MACROD2: variants seen among roughly 807,000 people sequenced by gnomAD.
MACROD2 encodes the protein ADP-ribose glycohydrolase MACROD2.
Under a neutral mutation model 70.4 loss-of-function variants are expected in MACROD2, and 36 were observed. The observed-to-expected ratio is 0.51, with a 90% CI of 0.39 to 0.68. The LOEUF (loss-of-function observed/expected upper bound fraction) is 0.68, where lower values mean the gene tolerates loss of function less well. Among genes scored for constraint, MACROD2 ranks in the 30% least tolerant of loss-of-function variants. The pLI is 0.00. For missense variants in MACROD2, 496 were observed against 538.4 expected, an observed-to-expected ratio of 0.92 and a Z score of 0.78; for synonymous variants, 172 against 178.8, an observed-to-expected ratio of 0.96 and a Z score of 0.30.
intron 15 of MACROD2, among the ~76,000 whole-genome samples, chr20:15,992,578 GC>G (rs1392895141): frequency 6.6e-6 from 1 of 152,192 alleles, no homozygotes; most frequent in Non-Finnish European, 1.5e-5. Flanking sequence ...ATTAACTTGT[GC>G]TTGCCCATCT....
chr20:15,688,921 A>G (rs1271080665), intron 8 of MACROD2, among the ~76,000 whole-genome samples: 5 of 152,234 alleles, frequency 3.3e-5, no homozygotes. Flanking sequence ...GACATTTATC[A>G]TATGATGTGT....
At chr20:14,648,632 A>G (rs1051448932) in intron 4 of MACROD2, among the ~76,000 whole-genome samples, 3 of 151,754 alleles carry the variant, frequency 2.0e-5, no homozygotes, top group Non-Finnish European at 4.4e-5. Flanking sequence ...ATATATATAT[A>G]TATATCTATC....
intron 5 of MACROD2, among the ~76,000 whole-genome samples, chr20:14,957,269 GT>G (rs2074545360): frequency 6.6e-6 from 1 of 151,642 alleles, no homozygotes; most frequent in Non-Finnish European, 1.5e-5. Context: ...TTTTTTTGTA[GT>G]TTTAGAAACA....
chr20:15,263,572 A>G (rs559622879), intron 6 of MACROD2, among the ~76,000 whole-genome samples: 15 of 152,092 alleles, frequency 9.9e-5, no homozygotes, highest in Non-Finnish European at 1.8e-4. Flanking sequence ...GAAAAACGTC[A>G]TTGGCATTTT....
chr20:15,708,698 C>T (rs2050575778), intron 8 of MACROD2, among the ~76,000 whole-genome samples: 1 of 140,680 alleles, frequency 7.1e-6, no homozygotes, highest in African/African-American at 2.5e-5. Context: ...AATATCAAAA[C>T]CCCATCTCTA....
At chr20:15,100,465 A>G (rs936050180) in intron 5 of MACROD2, among the ~76,000 whole-genome samples, 1 of 152,194 alleles carries the variant, frequency 6.6e-6, no homozygotes, top group Admixed American at 6.5e-5. Flanking sequence ...ATTATACAAG[A>G]AACTGGACTC....
intron 5 of MACROD2, among the ~76,000 whole-genome samples, chr20:15,032,483 A>G (rs2075283450): frequency 6.6e-6 from 1 of 152,080 alleles, no homozygotes; most frequent in Admixed American, 6.6e-5. Flanking sequence ...AGGATGGGGG[A>G]TTCACGGAGC....
chr20:14,136,618 C>A (rs1194895724), intron 3 of MACROD2, among the ~76,000 whole-genome samples: 3 of 152,128 alleles, frequency 2.0e-5, no homozygotes, highest in Non-Finnish European at 4.4e-5. Context: ...GCTTCAAAAA[C>A]TCAGGGTGGG....
At chr20:14,846,017 T>A (rs1166871337) in intron 5 of MACROD2, among the ~76,000 whole-genome samples, 1 of 152,104 alleles carries the variant, frequency 6.6e-6, no homozygotes, top group Non-Finnish European at 1.5e-5. Flanking sequence ...TTTTTTTAAT[T>A]TATCCAGGTG....
chr20:15,869,390 C>G (rs1246089060), intron 9 of MACROD2, among the ~76,000 whole-genome samples: 2 of 149,960 alleles, frequency 1.3e-5, no homozygotes, highest in Non-Finnish European at 3.0e-5. Flanking sequence ...CTATTTATGT[C>G]TATGAAAATA....
intron 5 of MACROD2, among the ~76,000 whole-genome samples, chr20:14,720,123 T>C (rs1337278680): frequency 6.6e-6 from 1 of 152,172 alleles, no homozygotes; most frequent in Non-Finnish European, 1.5e-5. Context: ...GATACTTTTT[T>C]CTCAAATATA....
At chr20:15,524,242 G>A (rs1361714903) in intron 8 of MACROD2, among the ~76,000 whole-genome samples, 3 of 151,782 alleles carry the variant, frequency 2.0e-5, no homozygotes, top group African/African-American at 7.3e-5. Context: ...TCTGCTTGGG[G>A]TAGATTTGTG....
chr20:15,562,493 A>G lies in MACROD2; in HGVS notation c.645+62646A>G, dbSNP rs116027074. On this transcript the variant is annotated intron_variant, in intron 8 of 17. Coordinates refer to ENST00000684519, the MANE Select transcript of MACROD2 (RefSeq NM_001351661.2). ...AGATTCCAAAATATCCCATTCTGTG[A>G]TAATATAGATGCATGACAGAAAGGG... Among the ~76,000 whole-genome samples, 762 of 152,336 alleles carry G rather than the reference A, an allele frequency of 5.0e-3. 5 individuals carry two copies. The highest frequency in any genetic ancestry group is 0.017 in the African/African-American group (727 of 41,578).
intron 8 of MACROD2, among the ~76,000 whole-genome samples, chr20:15,691,642 C>T (rs1026548684): frequency 6.6e-6 from 1 of 152,164 alleles, no homozygotes; most frequent in Non-Finnish European, 1.5e-5. Context: ...ATGGAATGTG[C>T]TTAGCATGGT....
intron 5 of MACROD2, among the ~76,000 whole-genome samples, chr20:15,205,973 G>A (rs1273725414): frequency 6.6e-6 from 1 of 152,080 alleles, no homozygotes; most frequent in Non-Finnish European, 1.5e-5. Flanking sequence ...GGGCAGTAAA[G>A]CAATTTGCAA....
chr20:14,113,749 C>CTTA (rs1569164259), intron 3 of MACROD2, among the ~76,000 whole-genome samples: 2 of 152,070 alleles, frequency 1.3e-5, no homozygotes, highest in Non-Finnish European at 2.9e-5. Flanking sequence ...AAGAGACCTG[C>CTTA]TTAAGCTTTG....
intron 5 of MACROD2, among the ~76,000 whole-genome samples, chr20:14,825,931 A>G (rs6042940): frequency 0.44 from 66,756 of 151,958 alleles, 15,809 homozygotes; most frequent in African/African-American, 0.6. Flanking sequence ...TTGGACCTTC[A>G]CCTTGTTTTT....
At chr20:16,041,120 A>G (rs1181051642) in intron 15 of MACROD2, 81 bp from the exon 16 acceptor site, 4 of 1,192,014 alleles carry the variant, frequency 3.4e-6, no homozygotes, top group South Asian at 1.4e-5. Flanking sequence ...TAAAAGGGCA[A>G]TGGAGGGTGA....
At chr20:15,960,670 T>A (rs2066047102) in intron 12 of MACROD2, among the ~76,000 whole-genome samples, 1 of 152,022 alleles carries the variant, frequency 6.6e-6, no homozygotes, top group Non-Finnish European at 1.5e-5. Context: ...ATGTATAGAG[T>A]GCATTCAGAA....
Sources: allele counts gnomAD v4.1 joint callset (sites outside exome capture counted in the v4.1 genomes callset), GRCh38; gene constraint gnomAD v4.1.1; transcripts MANE v1.5; gene names NCBI Gene and HGNC (gene_info 2026-07-23, HGNC 2026-07-21).